The following INPP4B variants were observed in gnomAD, a reference collection of about 807,000 sequenced individuals.
INPP4B encodes the protein inositol polyphosphate-4-phosphatase type II B.
A neutral mutation model predicts 122.5 loss-of-function variants in INPP4B; 55 were observed. The observed-to-expected ratio is 0.45, with a 90% confidence interval of 0.36 to 0.56. INPP4B has a LOEUF of 0.56. INPP4B is among the 20% of genes least tolerant of loss of function. The probability of loss-of-function intolerance (pLI) is 0.00; values close to 1 mark genes in which losing one functional copy is unlikely to be tolerated. For synonymous variants in INPP4B, 403 were observed against 388.7 expected (o/e 1.04, Z -0.43); for missense variants, 1,000 against 1,097.7 (o/e 0.91, Z 1.26).
At chr4:142,720,082 A>G (rs12508023) in intron 2 of INPP4B, among the ~76,000 whole-genome samples, 9,647 of 152,306 alleles carry the variant, frequency 0.063, 325 homozygotes, top group Middle Eastern at 0.11. Context: ...AAATTACTCA[A>G]GTTCACCCAT....
intron 25 of INPP4B, among the ~76,000 whole-genome samples, chr4:142,044,688 C>T (rs1311701875): frequency 2.0e-5 from 3 of 152,000 alleles, no homozygotes; most frequent in Non-Finnish European, 4.4e-5. Flanking sequence ...AATGAGGATG[C>T]TTGGAGGCAC....
At chr4:142,561,024 A>G (rs1730361899) in intron 2 of INPP4B, among the ~76,000 whole-genome samples, 1 of 152,238 alleles carries the variant, frequency 6.6e-6, no homozygotes, top group South Asian at 2.1e-4. Context: ...TTCCACAGGG[A>G]ATTACTGCCA....
chr4:142,592,091 T>G lies in INPP4B; in HGVS notation c.-190-129365A>C, dbSNP rs977384135. 2.6e-5 allele frequency among the ~76,000 whole-genome samples: 4 copies of G among 152,226 alleles called. No individual in the cohort carries two copies. The East Asian group carries it at 7.7e-4, about 29-fold the overall frequency. ...TGTTAATAATAGGGGAAGGCTTATA[T>G]GAGACACATGGGAACTTTGCATAAT... is the stretch of plus-strand genomic sequence containing the variant. On this transcript the variant is annotated intron_variant, in intron 2 of 25. Coordinates refer to ENST00000262992, the MANE Select transcript of INPP4B (RefSeq NM_001101669.3).
intron 9 of INPP4B, among the ~76,000 whole-genome samples, chr4:142,294,462 G>A (rs554482150): frequency 3.0e-4 from 46 of 152,136 alleles, no homozygotes; most frequent in Admixed American, 5.2e-4. Flanking sequence ...TTCCCAGTAC[G>A]AGTAAATTTG....
At chr4:142,168,181 T>A (rs1823796006) in intron 16 of INPP4B, among the ~76,000 whole-genome samples, 1 of 151,604 alleles carries the variant, frequency 6.6e-6, no homozygotes, top group Non-Finnish European at 1.5e-5. Flanking sequence ...CTATATTTAT[T>A]CTGTGTGGAG....
chr4:142,436,193 C>T (rs750645628), intron 3 of INPP4B, among the ~76,000 whole-genome samples: 1 of 152,128 alleles, frequency 6.6e-6, no homozygotes, highest in Non-Finnish European at 1.5e-5. Flanking sequence ...CCTCACTGGG[C>T]GAGGCCTCCC....
At chr4:142,138,006 T>C (rs999518813) in intron 18 of INPP4B, among the ~76,000 whole-genome samples, 6 of 152,176 alleles carry the variant, frequency 3.9e-5, no homozygotes, top group African/African-American at 1.2e-4. Flanking sequence ...GAACTGGAAA[T>C]ACCATTTGAC....
At chr4:142,483,182 C>CTTTT (rs5862604) in intron 2 of INPP4B, among the ~76,000 whole-genome samples, 3 of 48,334 alleles carry the variant, frequency 6.2e-5, no homozygotes, top group African/African-American at 9.9e-5. Flanking sequence ...TCAGGCTATG[C>CTTTT]TTTTTTTTTT....
In INPP4B at chr4:142,442,535, T is replaced by C. The variant is rs541067810; in HGVS notation, c.-126-11150A>G. Among the ~76,000 whole-genome samples the C allele has an allele frequency of 1.1e-4, 16 of 151,958 alleles. No homozygotes were observed. The East Asian group carries it at 2.9e-3, about 28-fold the overall frequency. On this transcript the variant is annotated intron_variant, in intron 3 of 25. Coordinates refer to ENST00000262992, the MANE Select transcript of INPP4B (RefSeq NM_001101669.3). ...AAAAGTGAGGAAACAAACCACGGAC[T>C]AGGAAAATATATTTGTCACATAGAA...
At chr4:142,524,184 G>T (rs896669447) in intron 2 of INPP4B, among the ~76,000 whole-genome samples, 1 of 152,004 alleles carries the variant, frequency 6.6e-6, no homozygotes, top group Admixed American at 6.6e-5. Flanking sequence ...GTAATGGGAT[G>T]GCTGGGTCAA....
At position 142,323,485 on chromosome 4, in the gene INPP4B, G is replaced by A. The variant is rs566986833; in HGVS notation, c.373-8723C>T. Reference sequence around the variant, plus strand: ...TTTTGAGACGGAGTCTCACTCTGTCGCCCAGGCTGGAGTGCAGTGGCACGA... The same window carrying A: ...TTTTGAGACGGAGTCTCACTCTGTCACCCAGGCTGGAGTGCAGTGGCACGA... On this transcript the variant is annotated intron_variant, in intron 7 of 25. Transcript: ENST00000262992. Among the ~76,000 whole-genome samples the A allele has an allele frequency of 2.7e-3, 365 of 134,142 alleles. 2 individuals are homozygous for A. Among genetic ancestry groups the A allele is most frequent in the Non-Finnish European group, 4.6e-3 (300 of 65,374 alleles). The allele number at this position is 134,142 out of a possible 152,430, so 88.0% of individuals were successfully genotyped here.
At position 142,846,162 on chromosome 4, in the gene INPP4B, C is replaced by G. The variant is rs1784184229; in HGVS notation, c.-254+47G>C. 1 of 152,306 alleles carries G rather than the reference C, an allele frequency of 6.6e-6. No homozygotes were observed. The highest frequency in any genetic ancestry group is 1.5e-5 in the Non-Finnish European group (1 of 68,208). The allele number at this position is 152,306 out of a possible 1,614,324, so 9.4% of individuals were successfully genotyped here. A position where few individuals can be genotyped will look rare whatever the true frequency, so the allele number is the denominator to read the frequency against. On this transcript the variant is annotated intron_variant, in intron 1 of 25. Transcript: ENST00000262992. The surrounding 1 kb of genome is among the most constrained non-coding windows in gnomAD (Gnocchi z 5.1). ...ATTACCCACCATCAACCACCCCACC[C>G]TGCAAAATTCCCCCACCGAGCCCTA...
intron 9 of INPP4B, among the ~76,000 whole-genome samples, chr4:142,277,895 T>C (rs953503048): frequency 2.0e-5 from 3 of 151,808 alleles, no homozygotes; most frequent in Non-Finnish European, 2.9e-5. Context: ...CAATGGACTT[T>C]AGCAACTTGG....
At chr4:142,737,982 G>C (rs1184124198) in intron 1 of INPP4B, among the ~76,000 whole-genome samples, 2 of 152,200 alleles carry the variant, frequency 1.3e-5, no homozygotes, top group Non-Finnish European at 2.9e-5. Context: ...AGGATATGGA[G>C]AAATAGGAAC....
intron 2 of INPP4B, among the ~76,000 whole-genome samples, chr4:142,653,764 T>G (rs1388525729): frequency 6.6e-6 from 1 of 152,168 alleles, no homozygotes; most frequent in East Asian, 1.9e-4. Flanking sequence ...GCTTTTACAC[T>G]ATTGGTGGGA....
At chr4:142,309,886 C>T (rs1261692053) in intron 8 of INPP4B, among the ~76,000 whole-genome samples, 1 of 152,222 alleles carries the variant, frequency 6.6e-6, no homozygotes, top group Non-Finnish European at 1.5e-5. Context: ...TCCCTGGCCT[C>T]TCCCTACAGG....
chr4:142,487,363 A>T (rs535397290), intron 2 of INPP4B, among the ~76,000 whole-genome samples: 1 of 152,300 alleles, frequency 6.6e-6, no homozygotes, highest in East Asian at 1.9e-4. Flanking sequence ...CAGAAGCATT[A>T]TAGTAAAATT....
chr4:142,162,627 A>C (rs1820655348), intron 16 of INPP4B, among the ~76,000 whole-genome samples: 1 of 151,902 alleles, frequency 6.6e-6, no homozygotes, highest in South Asian at 2.1e-4. Flanking sequence ...ATATTCATTC[A>C]CACTCAATGA....
intron 12 of INPP4B, among the ~76,000 whole-genome samples, chr4:142,235,729 T>A (rs529849327): frequency 6.6e-6 from 1 of 152,368 alleles, no homozygotes; most frequent in South Asian, 2.1e-4. Context: ...CCACCTGACA[T>A]GTCATTATTT....
Sources: allele counts gnomAD v4.1 joint callset (sites outside exome capture counted in the v4.1 genomes callset), GRCh38; gene constraint gnomAD v4.1.1; non-coding constraint Gnocchi (gnomAD v3.1); transcripts MANE v1.5; gene names NCBI Gene and HGNC (gene_info 2026-07-23, HGNC 2026-07-21).